Variants in COL26A1 observed in about 807,000 individuals in gnomAD.
COL26A1 encodes collagen alpha-1(XXVI) chain.
Under a neutral mutation model 59.3 loss-of-function variants are expected in COL26A1, and 41 were observed. The ratio of observed to expected loss-of-function variants is 0.69; its 90% CI spans 0.54 to 0.90. The LOEUF (loss-of-function observed/expected upper bound fraction) is 0.90, where lower values mean the gene tolerates loss of function less well. Ranked by LOEUF, COL26A1 falls within the 40% of genes least tolerant of loss-of-function variation. The probability of loss-of-function intolerance (pLI) is 0.00; values close to 1 mark genes in which losing one functional copy is unlikely to be tolerated. For missense variants in COL26A1, 612 were observed against 602.3 expected, an observed-to-expected ratio of 1.02 and a Z score of -0.17; for synonymous variants, 266 against 256.0, an observed-to-expected ratio of 1.04 and a Z score of -0.37.
intron 3 of COL26A1, among the ~76,000 whole-genome samples, chr7:101,529,317 G>T (rs554179158): frequency 6.6e-6 from 1 of 152,254 alleles, no homozygotes; most frequent in Non-Finnish European, 1.5e-5. Flanking sequence ...TGGCCAGGCT[G>T]GAGTGCGATG....
chr7:101,423,473 G>A (rs1383111686), intron 2 of COL26A1, among the ~76,000 whole-genome samples: 3 of 152,090 alleles, frequency 2.0e-5, no homozygotes, highest in Non-Finnish European at 2.9e-5. Flanking sequence ...GGTGGCTCAC[G>A]CCTATAATCC....
At chr7:101,546,195 G>A (rs1422581322) in intron 7 of COL26A1, among the ~76,000 whole-genome samples, 1 of 152,188 alleles carries the variant, frequency 6.6e-6, no homozygotes, top group Non-Finnish European at 1.5e-5. Flanking sequence ...TGAGCCCTGA[G>A]AGGAGCATCA....
chr7:101,456,777 A>C (rs1020444502), intron 3 of COL26A1, among the ~76,000 whole-genome samples: 1 of 152,174 alleles, frequency 6.6e-6, no homozygotes, highest in African/African-American at 2.4e-5. Flanking sequence ...CGGCCTCCCG[A>C]AGTGCTGGGA....
At chr7:101,418,249 T>G (rs1291145986) in intron 1 of COL26A1, among the ~76,000 whole-genome samples, 1 of 152,002 alleles carries the variant, frequency 6.6e-6, no homozygotes, top group Non-Finnish European at 1.5e-5. Context: ...CCCTAACCAA[T>G]CTCTCTGATG....
At chr7:101,518,772 G>T (rs951966939) in intron 3 of COL26A1, among the ~76,000 whole-genome samples, 1 of 152,152 alleles carries the variant, frequency 6.6e-6, no homozygotes, top group African/African-American at 2.4e-5. Flanking sequence ...CCAAACAACT[G>T]CTGGGACTGA....
At chr7:101,375,687 A>G (rs1357669418) in intron 1 of COL26A1, among the ~76,000 whole-genome samples, 2 of 151,494 alleles carry the variant, frequency 1.3e-5, no homozygotes, top group Non-Finnish European at 2.9e-5. Context: ...AGAAGAAAGA[A>G]AGAAAGAAAA....
chr7:101,500,905 A>G (rs1794690277), intron 3 of COL26A1, among the ~76,000 whole-genome samples: 4 of 151,642 alleles, frequency 2.6e-5, no homozygotes. Flanking sequence ...CTTAGGAACC[A>G]CCGGGCGGTG....
chr7:101,446,993 C>T (rs1026561034), intron 2 of COL26A1, among the ~76,000 whole-genome samples: 3 of 151,878 alleles, frequency 2.0e-5, no homozygotes, highest in African/African-American at 4.8e-5. Flanking sequence ...GGTAGAGGCT[C>T]GGAAGTTGGG....
At chr7:101,393,738 T>A (rs1464387535) in intron 1 of COL26A1, among the ~76,000 whole-genome samples, 1 of 150,404 alleles carries the variant, frequency 6.6e-6, no homozygotes, top group East Asian at 2.0e-4. Flanking sequence ...TGAGCCACTG[T>A]GCCTGGCCAA....
At chr7:101,445,759 G>A (rs1407941576) in intron 2 of COL26A1, among the ~76,000 whole-genome samples, 2 of 138,590 alleles carry the variant, frequency 1.4e-5, no homozygotes, top group African/African-American at 2.6e-5. Flanking sequence ...AAAAAAGAGA[G>A]TGAGGGGGCA....
Position 101,493,789 on chromosome 7 carries a change from C to T in COL26A1, c.386-39293C>T, listed in dbSNP as rs1208519936. ...AAAAAAAAAAAAAAAAAAAATTAGC[C>T]GGGCGTGGTGGCGGGCGTCTGTAGT... On this transcript the variant is annotated intron_variant, in intron 3 of 12. Transcript: ENST00000313669. Among the ~76,000 whole-genome samples the T allele has an allele frequency of 9.7e-5, 14 of 143,894 alleles. 1 individual carries two copies. The highest frequency in any genetic ancestry group is 8.2e-4 in the East Asian group (4 of 4,898). The allele number at this position is 143,894 out of a possible 152,430, so 94.4% of individuals were successfully genotyped here.
chr7:101,425,382 G>C (rs1009123338), intron 2 of COL26A1, among the ~76,000 whole-genome samples: 12 of 152,138 alleles, frequency 7.9e-5, no homozygotes, highest in Non-Finnish European at 8.8e-5. Context: ...GCCTTAGGAG[G>C]TCCGGGACTG....
chr7:101,387,177 T>G (rs1437064541), intron 1 of COL26A1, among the ~76,000 whole-genome samples: 1 of 152,090 alleles, frequency 6.6e-6, no homozygotes, highest in Non-Finnish European at 1.5e-5. Context: ...TCCCAAGAGC[T>G]GCTTTCTTTC....
At chr7:101,551,181 C>T (rs1481945468) in intron 10 of COL26A1, 38 bp downstream of exon 10, 1 of 1,501,926 alleles carries the variant, frequency 6.7e-7, no homozygotes, top group African/African-American at 1.5e-5. Context: ...GGGCCACTCC[C>T]AGGCAGAGGC....
At chr7:101,401,827 A>G (rs1003701076) in intron 1 of COL26A1, among the ~76,000 whole-genome samples, 1 of 152,062 alleles carries the variant, frequency 6.6e-6, no homozygotes, top group African/African-American at 2.4e-5. Flanking sequence ...CAATTTCCCA[A>G]CTGGGCCCCA....
chr7:101,500,867 G>A (rs1375527385), intron 3 of COL26A1, among the ~76,000 whole-genome samples: 2 of 151,812 alleles, frequency 1.3e-5, no homozygotes, highest in African/African-American at 4.8e-5. Flanking sequence ...AAAGTGCCGT[G>A]ATTGTCTAAA....
chr7:101,503,622 T>A (rs1558013), intron 3 of COL26A1, among the ~76,000 whole-genome samples: 13,417 of 152,228 alleles, frequency 0.088, 1,173 homozygotes, highest in African/African-American at 0.23. Context: ...CCTCTGGTGA[T>A]CATCCCGCCT....
rs1016918501 is a variant in COL26A1, at chr7:101,422,416, G to A, written c.281+2317G>A. On this transcript the variant is annotated intron_variant, in intron 2 of 12. Coordinates refer to ENST00000313669, the MANE Select transcript of COL26A1 (RefSeq NM_001278563.3). ...AAAAGCTTTTTCCTTTTCAGCAGAG[G>A]GTACAGACACTCCCTATCCCCTGCC... Among the ~76,000 whole-genome samples, 7 of 147,642 alleles carry A rather than the reference G, an allele frequency of 4.7e-5. No homozygotes were observed. The South Asian group carries it at 1.3e-3, about 27-fold the overall frequency.
chr7:101,554,605 G>A (rs955673379), intron 11 of COL26A1, among the ~76,000 whole-genome samples: 26 of 148,608 alleles, frequency 1.7e-4, no homozygotes, highest in Middle Eastern at 3.6e-3. Flanking sequence ...TGAGACAGGC[G>A]TGGTAGTGTG....
Sources: allele counts gnomAD v4.1 joint callset (sites outside exome capture counted in the v4.1 genomes callset), GRCh38; gene constraint gnomAD v4.1.1; transcripts MANE v1.5; gene names NCBI Gene and HGNC (gene_info 2026-07-23, HGNC 2026-07-21).